FASLG: variants seen among roughly 807,000 people sequenced by gnomAD.
The protein encoded by FASLG is tumor necrosis factor ligand superfamily member 6.
FASLG carries 9 observed loss-of-function variants against 24.6 expected under a neutral mutation model. That is an observed-to-expected ratio of 0.37 (90% CI 0.22 to 0.64). FASLG has a LOEUF of 0.64. Among genes scored for constraint, FASLG ranks in the 30% least tolerant of loss-of-function variants. The pLI is 0.64. For missense variants in FASLG, 306 were observed against 345.3 expected, an observed-to-expected ratio of 0.89 and a Z score of 0.90; for synonymous variants, 130 against 135.5, an observed-to-expected ratio of 0.96 and a Z score of 0.28.
chr1:172,659,828 G>T (rs887039832), intron 1 of FASLG, among the ~76,000 whole-genome samples: 7 of 152,042 alleles, frequency 4.6e-5, no homozygotes, highest in Non-Finnish European at 8.8e-5. Flanking sequence ...TTGATTTAAG[G>T]AGTAAAAAAC....
intron 2 of FASLG, among the ~76,000 whole-genome samples, chr1:172,662,439 A>T (rs1475081345): frequency 4.6e-5 from 7 of 152,248 alleles, no homozygotes; most frequent in Non-Finnish European, 1.0e-4. Context: ...AGGATGAGCC[A>T]GCCCAGGGGG....
intron 2 of FASLG, among the ~76,000 whole-genome samples, chr1:172,662,473 A>C (rs1406428404): frequency 6.6e-6 from 1 of 152,220 alleles, no homozygotes; most frequent in African/African-American, 2.4e-5. Context: ...AGCTTTTAGC[A>C]GGGGGAAGAA....
chr1:172,665,711 C>A lies in FASLG; in HGVS notation c.541C>A (p.Leu181Ile). The change falls in exon 4 of 4, where the codon CTT becomes ATT. Residue 181 changes from leucine to isoleucine, a missense_variant. Coordinates refer to ENST00000367721, the MANE Select transcript of FASLG (RefSeq NM_000639.3). Reference sequence around the variant, plus strand: ...TGGAGTGAAGTATAAGAAGGGTGGCCTTGTGATCAATGAAACTGGGCTGTA... The same window carrying A: ...TGGAGTGAAGTATAAGAAGGGTGGCATTGTGATCAATGAAACTGGGCTGTA... ...LSGVKYKKGGLVINETGLYFV... is the reference protein window; with the variant it reads ...LSGVKYKKGGIVINETGLYFV... 1 of 1,614,108 alleles carries A rather than the reference C, an allele frequency of 6.2e-7. No individual in the cohort carries two copies. The highest frequency in any genetic ancestry group is 8.5e-7 in the Non-Finnish European group (1 of 1,180,018).
chr1:172,665,785 G>A lies in FASLG; in HGVS notation c.615G>A (p.Leu205=). The part of the protein sequence containing the change: ...VYFRGQSCNN[L]PLSHKVYMRN... Reference sequence around the variant, plus strand: ...TCCGGGGTCAATCTTGCAACAACCTGCCCCTGAGCCACAAGGTCTACATGA... The same window carrying A: ...TCCGGGGTCAATCTTGCAACAACCTACCCCTGAGCCACAAGGTCTACATGA... The change falls in exon 4 of 4, where the codon CTG becomes CTA. Residue 205 remains leucine, a synonymous_variant. Transcript: ENST00000367721. 3.1e-6 allele frequency: 5 copies of A among 1,614,052 alleles called. No homozygotes were observed. The highest frequency in any genetic ancestry group is 4.2e-6 in the Non-Finnish European group (5 of 1,180,014).
chr1:172,663,683 G>A (rs567574691), intron 2 of FASLG, among the ~76,000 whole-genome samples: 2 of 152,280 alleles, frequency 1.3e-5, no homozygotes, highest in East Asian at 3.9e-4. Flanking sequence ...GTATACGACG[G>A]CATCTTCGGG....
rs541085313 is a variant in FASLG at position 172,665,797 on chromosome 1, C to T, written c.627C>T (p.His209=). 44 of 1,614,104 alleles carry T rather than the reference C, an allele frequency of 2.7e-5. No homozygotes were observed. The South Asian group carries it at 4.6e-4, about 17-fold the overall frequency. Reference sequence around the variant, plus strand: ...CTTGCAACAACCTGCCCCTGAGCCACAAGGTCTACATGAGGAACTCTAAGT... The same window carrying T: ...CTTGCAACAACCTGCCCCTGAGCCATAAGGTCTACATGAGGAACTCTAAGT... ...GQSCNNLPLS[H]KVYMRNSKYP... The change falls in exon 4 of 4, where the codon CAC becomes CAT. Residue 209 remains histidine (H), a synonymous_variant. Transcript: ENST00000367721.
chr1:172,665,801 G>A lies in FASLG; in HGVS notation c.631G>A (p.Val211Ile), dbSNP rs147369993. The change falls in exon 4 of 4, where the codon GTC (valine) becomes ATC (isoleucine). Residue 211 changes from valine (V) to isoleucine (I), a missense_variant. Transcript: ENST00000367721. ...SCNNLPLSHK[V>I]YMRNSKYPQD... ...CAACAACCTGCCCCTGAGCCACAAG[G>A]TCTACATGAGGAACTCTAAGTATCC... 2.0e-5 allele frequency: 32 copies of A among 1,614,094 alleles called. No homozygotes were observed. In the South Asian group the frequency reaches 3.5e-4, roughly 18 times the overall value.
intron 1 of FASLG, 42 bp downstream of exon 1, chr1:172,659,591 C>T (rs757702993): frequency 1.9e-6 from 3 of 1,607,140 alleles, no homozygotes; most frequent in African/African-American, 2.7e-5. Flanking sequence ...AGGCACCAGG[C>T]ATAAGGGGAT....
At chr1:172,662,192 A>G (rs1248681012) in intron 2 of FASLG, among the ~76,000 whole-genome samples, 1 of 152,186 alleles carries the variant, frequency 6.6e-6, no homozygotes, top group Non-Finnish European at 1.5e-5. Context: ...ACAAAAGGGT[A>G]TGTTTAGTTT....
rs200113302 is a variant in FASLG at position 172,660,114 on chromosome 1, C to T, written c.368C>T (p.Thr123Ile). 4 of 1,614,008 alleles carry T rather than the reference C, an allele frequency of 2.5e-6. No individual in the cohort carries two copies. Among genetic ancestry groups the T allele is most frequent in the Non-Finnish European group, 3.4e-6 (4 of 1,179,972 alleles). ...ELRESTSQMH[T>I]ASSLEKQIGH... ...TACTAGTCTACCAGCCAGATGCACACAGCATCATCTTTGGAGAAGCAAATA... is the reference window on the plus strand; with the variant it reads ...TACTAGTCTACCAGCCAGATGCACATAGCATCATCTTTGGAGAAGCAAATA... Residue 123 changes from threonine to isoleucine, a missense_variant, in exon 2 of 4, where the codon ACA (threonine) becomes ATA (isoleucine). Physicochemically the swap from Thr to Ile is moderately conservative, Grantham distance 89. Coordinates refer to ENST00000367721, the MANE Select transcript of FASLG (RefSeq NM_000639.3).
At chr1:172,659,677 T>C in intron 1 of FASLG, 128 bp downstream of exon 1, 1 of 1,367,292 alleles carries the variant, frequency 7.3e-7, no homozygotes, top group Admixed American at 2.8e-5. Flanking sequence ...TTGTTCTAGT[T>C]ATTCTATTCT....
chr1:172,659,697 G>T (rs1361801928), intron 1 of FASLG, 148 bp downstream of exon 1: 20 of 1,278,254 alleles, frequency 1.6e-5, no homozygotes, highest in African/African-American at 4.5e-5. Context: ...TATAGACAGA[G>T]AAATGGAGGC....
rs1659238476 is a variant in FASLG, at chr1:172,665,477, TTC to T, written c.452-143_452-142del. 3 of 866,872 alleles carry T rather than the reference TTC, an allele frequency of 3.5e-6. No individual in the cohort carries two copies. In the East Asian group the frequency reaches 7.9e-5, roughly 23 times the overall value. 53.7% of individuals were successfully genotyped at this position (866,872 alleles called of 1,614,324 possible). On this transcript the variant is annotated intron_variant, in intron 3 of 3. Transcript: ENST00000367721. ...TGAGGAAATTCTGTGATGGATCAAG[TTC>T]TGACCCCTCAGCCAGTTCTATACCA...
chr1:172,665,486 C>A, intron 3 of FASLG, 136 bp from the exon 4 acceptor site: 1 of 970,732 alleles, frequency 1.0e-6, no homozygotes, highest in Non-Finnish European at 1.6e-6. Context: ...GTTCTGACCC[C>A]TCAGCCAGTT....
Position 172,660,027 on chromosome 1 carries a change from C to T in FASLG, c.349-68C>T, listed in dbSNP as rs151243922. On this transcript the variant is annotated intron_variant, in intron 1 of 3. Coordinates refer to ENST00000367721, the MANE Select transcript of FASLG (RefSeq NM_000639.3). Reference sequence around the variant, plus strand: ...TCTTTCCAGGGCTTGGTTTATTTGACGATTCTGCCTCTTTTGCTTAAAGAA... The same window carrying T: ...TCTTTCCAGGGCTTGGTTTATTTGATGATTCTGCCTCTTTTGCTTAAAGAA... 62 of 1,485,154 alleles carry T rather than the reference C, an allele frequency of 4.2e-5. No homozygotes were observed. The East Asian group carries it at 5.3e-4, about 13-fold the overall frequency. The allele number at this position is 1,485,154 out of a possible 1,614,324, so 92.0% of individuals were successfully genotyped here.
intron 2 of FASLG, 26 bp downstream of exon 2, chr1:172,660,166 G>C (rs2101807098): frequency 6.2e-7 from 1 of 1,609,928 alleles, no homozygotes; most frequent in East Asian, 2.2e-5. Flanking sequence ...CATGTACATT[G>C]AGTTCCCAAA....
chr1:172,665,466 G>A (rs142700343), intron 3 of FASLG, among the ~76,000 whole-genome samples, 156 bp from the exon 4 acceptor site: 13 of 152,354 alleles, frequency 8.5e-5, no homozygotes, highest in South Asian at 2.1e-4. Flanking sequence ...GAAATTCTGT[G>A]ATGGATCAAG....
rs534964468 is a variant in FASLG at position 172,659,123 on chromosome 1, C to T, written c.-79C>T. ...TCTTGAGCAGTCAGCAACAGGGTCC[C>T]GTCCTTGACACCTCAGCCTCTACAG... On this transcript the variant is annotated 5_prime_UTR_variant, in exon 1 of 4. Transcript: ENST00000367721. 1.1e-5 allele frequency: 18 copies of T among 1,600,094 alleles called. No individual in the cohort carries two copies. The African/African-American group carries it at 1.6e-4, about 14-fold the overall frequency.
Position 172,666,025 on chromosome 1 carries a change from C to T in FASLG, c.*9C>T. 6.2e-7 allele frequency: 1 copy of T among 1,613,840 alleles called. No homozygotes were observed. Among genetic ancestry groups the T allele is most frequent in the African/African-American group, 1.3e-5 (1 of 74,988 alleles). On this transcript the variant is annotated 3_prime_UTR_variant, in exon 4 of 4. Transcript: ENST00000367721. ...GCTTATATAAGCTCTAAGAGAAGCA[C>T]TTTGGGATTCTTTCCATTATGATTC...
Sources: gnomAD v4.1 joint callset for allele counts (sites outside exome capture counted in the v4.1 genomes callset) on GRCh38, gnomAD v4.1.1 for gene constraint, MANE v1.5 for transcripts, NCBI Gene and HGNC (gene_info 2026-07-23, HGNC 2026-07-21) for gene names.